TBXAS1: variants seen among roughly 807,000 people sequenced by gnomAD.
TBXAS1 encodes the protein thromboxane-A synthase.
In TBXAS1, 48 loss-of-function variants were observed where a neutral mutation model predicts 60.7. That is an observed-to-expected ratio of 0.79 (90% CI 0.63 to 1.01). TBXAS1 has a LOEUF of 1.01. Ranked by LOEUF, TBXAS1 falls within the 50% of genes least tolerant of loss-of-function variation. TBXAS1 has a pLI of 0.00. For synonymous variants in TBXAS1, 287 were observed against 269.7 expected, an observed-to-expected ratio of 1.06 and a Z score of -0.63; for missense variants, 685 against 686.3, an observed-to-expected ratio of 1.00 and a Z score of 0.02.
chr7:139,842,403 C>T (rs8192805), intron 1 of TBXAS1, among the ~76,000 whole-genome samples: 14,717 of 152,226 alleles, frequency 0.097, 900 homozygotes, highest in Non-Finnish European at 0.14. Flanking sequence ...GAACTCTTCC[C>T]CTAACCCTAG....
chr7:139,895,871 C>T (rs533138168), intron 3 of TBXAS1, among the ~76,000 whole-genome samples: 10 of 152,212 alleles, frequency 6.6e-5, no homozygotes, highest in Non-Finnish European at 1.2e-4. Flanking sequence ...GGCACCTCTG[C>T]AGGGGGCACC....
At chr7:139,787,463 C>T (rs956533953) in intron 4 of TBXAS1, 1 of 152,152 alleles carries the variant, frequency 6.6e-6, no homozygotes, top group African/African-American at 2.4e-5. Flanking sequence ...TTTCTTTGGG[C>T]TCTATTGACA....
At chr7:139,991,793 A>C (rs1812929191) in intron 9 of TBXAS1, among the ~76,000 whole-genome samples, 1 of 152,218 alleles carries the variant, frequency 6.6e-6, no homozygotes, top group South Asian at 2.1e-4. Flanking sequence ...AAACCAAAAA[A>C]GGGTAACAAA....
intron 1 of TBXAS1, among the ~76,000 whole-genome samples, chr7:139,865,314 G>T (rs972258199): frequency 3.3e-5 from 5 of 152,164 alleles, no homozygotes; most frequent in Admixed American, 1.3e-4. Context: ...TCTCTTGTGG[G>T]TGTGGGTGAG....
At chr7:139,872,360 A>G in intron 2 of TBXAS1, 32 bp downstream of exon 2, 1 of 1,602,524 alleles carries the variant, frequency 6.2e-7, no homozygotes, top group Non-Finnish European at 8.5e-7. Flanking sequence ...CTTCCATCAT[A>G]AAATATGCTG....
intron 4 of TBXAS1, among the ~76,000 whole-genome samples, chr7:139,824,230 T>G (rs959589925): frequency 2.0e-5 from 3 of 151,852 alleles, no homozygotes; most frequent in Non-Finnish European, 2.9e-5. Flanking sequence ...AGACTTGGAG[T>G]GAGTGGAGAC....
intron 2 of TBXAS1, among the ~76,000 whole-genome samples, chr7:139,873,229 A>G (rs554446325): frequency 2.6e-5 from 4 of 152,316 alleles, no homozygotes; most frequent in South Asian, 2.1e-4. Flanking sequence ...TGGACTGACT[A>G]GAGGCCAAAT....
intron 10 of TBXAS1, among the ~76,000 whole-genome samples, chr7:140,011,948 T>C (rs889613734): frequency 8.5e-5 from 13 of 152,366 alleles, no homozygotes; most frequent in African/African-American, 3.1e-4. Context: ...AGAATTATCA[T>C]GGCATTTGAT....
chr7:139,940,482 C>T (rs74900108), intron 5 of TBXAS1, among the ~76,000 whole-genome samples: 9,143 of 152,186 alleles, frequency 0.06, 374 homozygotes, highest in Non-Finnish European at 0.088. Context: ...ACTGAGAATT[C>T]GCATGTCACG....
At chr7:139,918,414 G>A (rs898188407) in intron 4 of TBXAS1, among the ~76,000 whole-genome samples, 5 of 152,102 alleles carry the variant, frequency 3.3e-5, no homozygotes, top group African/African-American at 1.2e-4. Context: ...CCCCTCTTAG[G>A]CCCCCTCAGG....
chr7:139,875,119 A>G (rs1802130920), intron 2 of TBXAS1, among the ~76,000 whole-genome samples: 1 of 152,166 alleles, frequency 6.6e-6, no homozygotes, highest in South Asian at 2.1e-4. Flanking sequence ...AACAACAACA[A>G]CAACAAAGTG....
intron 1 of TBXAS1, among the ~76,000 whole-genome samples, chr7:139,864,529 G>A (rs1050083568): frequency 1.3e-5 from 2 of 151,430 alleles, no homozygotes; most frequent in African/African-American, 4.9e-5. Flanking sequence ...GAAAAAGTAA[G>A]TTATAAAAAT....
chr7:140,015,767 G>A lies in TBXAS1; in HGVS notation c.1271G>A (p.Arg424His), dbSNP rs781107536. The change falls in exon 11 of 13, where the codon CGC becomes CAC. Residue 424 changes from arginine to histidine, a missense_variant. Arg to His is a conservative substitution (Grantham distance 29, BLOSUM62 0). Coordinates refer to ENST00000448866, the MANE Select transcript of TBXAS1 (RefSeq NM_001061.7). ...AAQDCEVLGQRIPAGAVLEMA... is the reference protein window; with the variant it reads ...AAQDCEVLGQHIPAGAVLEMA... ...CAGGACTGCGAGGTGCTGGGGCAGCGCATCCCCGCAGGCGCTGTGCTAGAG... is the reference window on the plus strand; with the variant it reads ...CAGGACTGCGAGGTGCTGGGGCAGCACATCCCCGCAGGCGCTGTGCTAGAG... 1.7e-5 allele frequency: 28 copies of A among 1,613,310 alleles called. No homozygotes were observed. Among genetic ancestry groups the A allele is most frequent in the Middle Eastern group, 1.6e-4 (1 of 6,082 alleles).
chr7:140,009,240 TG>T (rs1464522233), intron 10 of TBXAS1, among the ~76,000 whole-genome samples: 1 of 152,182 alleles, frequency 6.6e-6, no homozygotes, highest in Non-Finnish European at 1.5e-5. Flanking sequence ...CTAGAGAACC[TG>T]GGTGAAGTAG....
At chr7:140,003,574 T>C (rs1355969732) in intron 9 of TBXAS1, among the ~76,000 whole-genome samples, 1 of 152,270 alleles carries the variant, frequency 6.6e-6, no homozygotes, top group East Asian at 1.9e-4. Context: ...AGGGAAAGAG[T>C]AAAGACTTTG....
chr7:140,007,037 C>A, intron 9 of TBXAS1, 54 bp from the exon 10 acceptor site: 1 of 1,481,056 alleles, frequency 6.8e-7, no homozygotes, highest in Non-Finnish European at 9.4e-7. Context: ...AGACAAAATG[C>A]TGTGAGATTT....
intron 3 of TBXAS1, among the ~76,000 whole-genome samples, chr7:139,786,285 A>G (rs1298754464): frequency 6.6e-6 from 1 of 152,030 alleles, no homozygotes; most frequent in Admixed American, 6.6e-5. Flanking sequence ...AAGATAAACT[A>G]TACAAGGCAA....
intron 4 of TBXAS1, among the ~76,000 whole-genome samples, chr7:139,799,135 C>T (rs1197052098): frequency 6.7e-6 from 1 of 149,370 alleles, no homozygotes; most frequent in Non-Finnish European, 1.5e-5. Flanking sequence ...GTGGTGCAAT[C>T]CCTGGTCACT....
chr7:139,779,717 G>A (rs556571828), intron 1 of TBXAS1, among the ~76,000 whole-genome samples: 6 of 152,274 alleles, frequency 3.9e-5, no homozygotes, highest in Non-Finnish European at 8.8e-5. Flanking sequence ...CCACGCTCCT[G>A]GCTAACATCC....
Sources: allele counts gnomAD v4.1 joint callset (sites outside exome capture counted in the v4.1 genomes callset), GRCh38; gene constraint gnomAD v4.1.1; transcripts MANE v1.5; gene names NCBI Gene and HGNC (gene_info 2026-07-23, HGNC 2026-07-21).